Variants in CSRNP3 observed in about 807,000 individuals in gnomAD.
The protein encoded by CSRNP3 is cysteine/serine-rich nuclear protein 3.
In CSRNP3, 12 loss-of-function variants were observed where a neutral mutation model predicts 48.0. The observed-to-expected ratio is 0.25, with a 90% confidence interval of 0.16 to 0.41. The LOEUF (loss-of-function observed/expected upper bound fraction) is 0.41. Among genes scored for constraint, CSRNP3 ranks in the 10% least tolerant of loss-of-function variants. CSRNP3 has a pLI of 1.00. For missense variants in CSRNP3, 580 were observed against 724.4 expected (o/e 0.80, Z 2.29); for synonymous variants, 263 against 269.7 (o/e 0.98, Z 0.24).
At chr2:165,669,572 C>T (rs1300325163) in intron 5 of CSRNP3, among the ~76,000 whole-genome samples, 6 of 152,254 alleles carry the variant, frequency 3.9e-5, no homozygotes, top group African/African-American at 1.4e-4. Flanking sequence ...TGTCCCATCC[C>T]TCAGGTATGT....
At chr2:165,651,565 T>C (rs969234550) in intron 4 of CSRNP3, among the ~76,000 whole-genome samples, 7 of 152,314 alleles carry the variant, frequency 4.6e-5, no homozygotes, top group African/African-American at 1.7e-4. Context: ...TTTATATAAT[T>C]TATAGTACAG....
At chr2:165,619,198 A>G (rs1686299177) in intron 4 of CSRNP3, among the ~76,000 whole-genome samples, 1 of 152,224 alleles carries the variant, frequency 6.6e-6, no homozygotes, top group Non-Finnish European at 1.5e-5. Context: ...ACTTTTACCT[A>G]TGATTGTTCC....
At chr2:165,668,022 G>A (rs1687263931) in intron 5 of CSRNP3, among the ~76,000 whole-genome samples, 1 of 152,094 alleles carries the variant, frequency 6.6e-6, no homozygotes, top group Non-Finnish European at 1.5e-5. Context: ...AATTATCAAG[G>A]TGCAAAGGAT....
intron 4 of CSRNP3, among the ~76,000 whole-genome samples, chr2:165,637,529 G>T (rs1300865027): frequency 6.6e-6 from 1 of 152,204 alleles, no homozygotes; most frequent in African/African-American, 2.4e-5. Flanking sequence ...CCACATTCAT[G>T]ACCATTACTG....
intron 4 of CSRNP3, among the ~76,000 whole-genome samples, chr2:165,640,940 C>T (rs1686712175): frequency 6.6e-6 from 1 of 152,112 alleles, no homozygotes; most frequent in Admixed American, 6.6e-5. Flanking sequence ...GAATTCATAC[C>T]TATAAAGCAA....
chr2:165,626,822 C>T (rs1344258610), intron 4 of CSRNP3, among the ~76,000 whole-genome samples: 1 of 152,192 alleles, frequency 6.6e-6, no homozygotes, highest in African/African-American at 2.4e-5. Context: ...TCTTCGCAAA[C>T]CAAGAAATAT....
intron 5 of CSRNP3, among the ~76,000 whole-genome samples, chr2:165,661,632 G>A (rs1687097803): frequency 6.6e-6 from 1 of 152,150 alleles, no homozygotes; most frequent in Admixed American, 6.5e-5. Flanking sequence ...TTGTAAATGT[G>A]GCTAAATTGA....
intron 3 of CSRNP3, among the ~76,000 whole-genome samples, chr2:165,564,366 T>C (rs1183626728): frequency 1.3e-5 from 2 of 152,020 alleles, no homozygotes; most frequent in African/African-American, 4.8e-5. Context: ...ACTAATTCCA[T>C]CACAATAATA....
At chr2:165,521,195 A>C (rs1159197878) in intron 3 of CSRNP3, among the ~76,000 whole-genome samples, 1 of 151,886 alleles carries the variant, frequency 6.6e-6, no homozygotes. Flanking sequence ...GAAAAAGAAA[A>C]TTAGAGATGC....
intron 3 of CSRNP3, among the ~76,000 whole-genome samples, chr2:165,528,798 A>T (rs1340053474): frequency 6.6e-6 from 1 of 152,210 alleles, no homozygotes; most frequent in Non-Finnish European, 1.5e-5. Flanking sequence ...CGCTGCTATC[A>T]TGCCGGCTGC....
At chr2:165,597,037 A>G (rs747292138) in intron 4 of CSRNP3, among the ~76,000 whole-genome samples, 15 of 152,170 alleles carry the variant, frequency 9.9e-5, no homozygotes, top group Admixed American at 7.9e-4. Context: ...GAGCCTGGAT[A>G]TATATACATG....
rs1687532190 is a variant in CSRNP3 at position 165,681,261 on chromosome 2, G to T, written c.*1508G>T. 1 of 150,946 alleles carries T rather than the reference G, an allele frequency of 6.6e-6. No homozygotes were observed. The highest frequency in any genetic ancestry group is 2.4e-5 in the African/African-American group (1 of 41,028). 9.4% of individuals were successfully genotyped at this position (150,946 alleles called of 1,614,324 possible). On this transcript the variant is annotated 3_prime_UTR_variant, in exon 7 of 7. Coordinates refer to ENST00000651982, the MANE Select transcript of CSRNP3 (RefSeq NM_001172173.2). ...TATGCTAAACCTGTTTCATATTTTT[G>T]ACCTTCTATTGTTATATCACTTCAC...
chr2:165,592,175 T>C (rs1685728470), intron 3 of CSRNP3, among the ~76,000 whole-genome samples: 1 of 152,250 alleles, frequency 6.6e-6, no homozygotes, highest in African/African-American at 2.4e-5. Flanking sequence ...CTTTAAGGCT[T>C]AATGGCTACC....
rs115337125 is a variant in CSRNP3 at position 165,582,117 on chromosome 2, T to C, written c.-23-12926T>C. ...GCAGAGAAGCCACTTAACCACAGTG[T>C]GCTACTGGTCAAAGAATATTTTTCA... On this transcript the variant is annotated intron_variant, in intron 3 of 6. Transcript: ENST00000651982. Among the ~76,000 whole-genome samples, 990 of 152,274 alleles carry C rather than the reference T, an allele frequency of 6.5e-3. 10 individuals are homozygous for C. Among genetic ancestry groups the C allele is most frequent in the African/African-American group, 0.023 (956 of 41,566 alleles).
At chr2:165,662,371 C>T (rs1687113013) in intron 5 of CSRNP3, among the ~76,000 whole-genome samples, 1 of 152,086 alleles carries the variant, frequency 6.6e-6, no homozygotes, top group Non-Finnish European at 1.5e-5. Flanking sequence ...GTCTTTCAAA[C>T]ATTGTCTATA....
Position 165,603,019 on chromosome 2 carries a change from A to C in CSRNP3, c.148+7806A>C, listed in dbSNP as rs1573911138. Among the ~76,000 whole-genome samples the C allele has an allele frequency of 5.3e-5, 8 of 151,942 alleles. 1 individual carries two copies. The highest frequency in any genetic ancestry group is 3.9e-4 in the Admixed American group (6 of 15,252). On this transcript the variant is annotated intron_variant, in intron 4 of 6. Coordinates refer to ENST00000651982, the MANE Select transcript of CSRNP3 (RefSeq NM_001172173.2). Reference sequence around the variant, plus strand: ...CACGCCATTCTCCTGCCTCAGCCTCATGAGTAGCTGGGACTACAGGCACCT... The same window carrying C: ...CACGCCATTCTCCTGCCTCAGCCTCCTGAGTAGCTGGGACTACAGGCACCT...
chr2:165,497,893 CT>C (rs1684304331), intron 2 of CSRNP3, among the ~76,000 whole-genome samples: 1 of 152,076 alleles, frequency 6.6e-6, no homozygotes, highest in Non-Finnish European at 1.5e-5. Context: ...ATGGCTGTAG[CT>C]TATATGCCAG....
At chr2:165,542,907 A>G (rs1379314954) in intron 3 of CSRNP3, among the ~76,000 whole-genome samples, 1 of 152,166 alleles carries the variant, frequency 6.6e-6, no homozygotes, top group Non-Finnish European at 1.5e-5. Context: ...ATGAAATATG[A>G]AGTAGCAAAT....
At chr2:165,539,157 G>A (rs112729243) in intron 3 of CSRNP3, among the ~76,000 whole-genome samples, 1 of 151,902 alleles carries the variant, frequency 6.6e-6, no homozygotes, top group Non-Finnish European at 1.5e-5. Context: ...TGTAATACAA[G>A]ATAATATTTT....
Sources: allele counts gnomAD v4.1 joint callset (sites outside exome capture counted in the v4.1 genomes callset), GRCh38; gene constraint gnomAD v4.1.1; transcripts MANE v1.5; gene names NCBI Gene and HGNC (gene_info 2026-07-23, HGNC 2026-07-21).